The following MKI67 variants were observed in gnomAD, a reference collection of about 807,000 sequenced individuals.
MKI67 encodes the protein marker of proliferation Ki-67.
A neutral mutation model predicts 233.5 loss-of-function variants in MKI67; 152 were observed. That is an observed-to-expected ratio of 0.65 (90% CI 0.57 to 0.74). The LOEUF (loss-of-function observed/expected upper bound fraction) is 0.74. MKI67 is among the 30% of genes least tolerant of loss of function. MKI67 has a pLI of 0.00. For synonymous variants in MKI67, 1,465 were observed against 1,418.5 expected (o/e 1.03, Z -0.74); for missense variants, 3,940 against 3,885.2 (o/e 1.01, Z -0.37).
chr10:128,104,306 G>T lies in MKI67; in HGVS notation c.7534C>A (p.His2512Asn), dbSNP rs759824509. 3 of 1,614,170 alleles carry T rather than the reference G, an allele frequency of 1.9e-6. No homozygotes were observed. The East Asian group carries it at 6.7e-5, about 36-fold the overall frequency. The change falls in exon 13 of 15, where the codon CAC becomes AAC. Residue 2512 changes from histidine to asparagine, a missense_variant. By Grantham distance (68) the His-to-Asn change is moderately conservative. Transcript: ENST00000368654. ...TRTSGETTQT[H>N]TEPTGDSKSI... ...TTACTATCTCCTGTTGGCTCTGTGT[G>T]TGTTTGCGTAGTCTCCCCTGATGTC...
chr10:128,114,597 T>C (rs1262760819), intron 7 of MKI67, among the ~76,000 whole-genome samples: 1 of 152,222 alleles, frequency 6.6e-6, no homozygotes, highest in African/African-American at 2.4e-5. Flanking sequence ...TTAAACTCCA[T>C]GTGAAAAGCA....
rs561621588 is a variant in MKI67 at position 128,109,205 on chromosome 10, T to C, written c.2635A>G (p.Thr879Ala). 5.6e-5 allele frequency: 90 copies of C among 1,614,224 alleles called. 2 individuals carry two copies. The South Asian group carries it at 9.2e-4, about 17-fold the overall frequency. ...VSTANRSGRS[T>A]EFRNIQKLPV... ...AGCTTCTGTATATTCCTGAACTCTG[T>C]AGACCTTCCTGACCTGTTTGCAGTG... Residue 879 changes from threonine to alanine, a missense_variant, in exon 13 of 15, where the codon ACA becomes GCA. Thr to Ala is a moderately conservative substitution (Grantham distance 58, BLOSUM62 0). Coordinates refer to ENST00000368654, the MANE Select transcript of MKI67 (RefSeq NM_002417.5).
chr10:128,120,930 C>T (rs1182627014), intron 4 of MKI67, among the ~76,000 whole-genome samples: 1 of 152,066 alleles, frequency 6.6e-6, no homozygotes, highest in Non-Finnish European at 1.5e-5. Context: ...TCCAGTTAAA[C>T]ACAAGAGGTC....
In MKI67 at chr10:128,108,407, G is replaced by T. The variant is rs1852577611; in HGVS notation, c.3433C>A (p.Gln1145Lys). Reference protein sequence around the residue: ...ESVDTPTSTKQWPKRSLRKAD... With the variant: ...ESVDTPTSTKKWPKRSLRKAD... ...TTCCTGAGACTTCTCTTAGGCCATT[G>T]CTTTGTGCTTGTTGGAGTGTCCACT... The change falls in exon 13 of 15, where the codon CAA becomes AAA. Residue 1145 changes from glutamine (Q) to lysine (K), a missense_variant. Transcript: ENST00000368654. The T allele has an allele frequency of 6.2e-7, 1 of 1,614,136 alleles. No individual in the cohort carries two copies. The highest frequency in any genetic ancestry group is 8.5e-7 in the Non-Finnish European group (1 of 1,180,026).
rs1378745681 is a variant in MKI67 at position 128,121,350 on chromosome 10, CATATTATATATGTAT to C, written c.287+1516_287+1530del. Among the ~76,000 whole-genome samples, 5 of 143,138 alleles carry C rather than the reference CATATTATATATGTAT, an allele frequency of 3.5e-5. No homozygotes were observed. In the South Asian group the frequency reaches 1.1e-3, roughly 30 times the overall value. 93.9% of individuals were successfully genotyped at this position (143,138 alleles called of 152,430 possible). ...TATCTGTATATGTGTATATATATTACATATTATATATGTATATATTATATATTATATAATATAAAT... is the reference window on the plus strand; with the variant it reads ...TATCTGTATATGTGTATATATATTACATATTATATATTATATAATATAAAT... On this transcript the variant is annotated intron_variant, in intron 4 of 14. Coordinates refer to ENST00000368654, the MANE Select transcript of MKI67 (RefSeq NM_002417.5).
chr10:128,112,036 G>C lies in MKI67; in HGVS notation c.1979C>G (p.Ser660Ter), dbSNP rs764620488. 17 of 1,610,226 alleles carry C rather than the reference G, an allele frequency of 1.1e-5. 1 individual carries two copies. The highest frequency in any genetic ancestry group is 8.5e-7 in the Non-Finnish European group (1 of 1,179,028). The change falls in exon 10 of 15, where the codon TCA becomes TGA. Residue 660 changes from serine to a stop codon, truncating the protein, a stop_gained. Transcript: ENST00000368654. LOFTEE classifies it high-confidence loss of function. The part of the protein sequence containing the change: ...ASEANLIVAK[S>*]WADVVKLGAK... ...ACCAAGTTTTACTACATCTGCCCAT[G>C]ATTTTGCAACTGTCAAAGGGAAAAG...
At position 128,107,860 on chromosome 10, in the gene MKI67, G is replaced by T; in HGVS notation, c.3980C>A (p.Thr1327Asn). 6.2e-7 allele frequency: 1 copy of T among 1,613,386 alleles called. No homozygotes were observed. The highest frequency in any genetic ancestry group is 8.5e-7 in the Non-Finnish European group (1 of 1,179,914). ...AGTTTGTGGCCGTCTCTTGCTGCCG[G>T]TTAAGTTCTCTGTCAGGTCCAGTTT... ...VQKLDLTENL[T>N]GSKRRPQTPK... Residue 1327 changes from threonine to asparagine, a missense_variant, in exon 13 of 15, where the codon ACC becomes AAC. Physicochemically the swap from Thr to Asn is moderately conservative, Grantham distance 65. Coordinates refer to ENST00000368654, the MANE Select transcript of MKI67 (RefSeq NM_002417.5).
chr10:128,123,289 G>T, intron 2 of MKI67, 120 bp from the exon 3 acceptor site: 1 of 715,758 alleles, frequency 1.4e-6, no homozygotes, highest in Non-Finnish European at 2.4e-6. Context: ...ACATAAAGGA[G>T]TAACAAACAA....
chr10:128,113,346 C>G, intron 8 of MKI67, 81 bp downstream of exon 8: 1 of 1,376,176 alleles, frequency 7.3e-7, no homozygotes, highest in Non-Finnish European at 1.0e-6. Context: ...CATAATTCTA[C>G]TTGTGTCAGT....
intron 4 of MKI67, among the ~76,000 whole-genome samples, chr10:128,122,094 T>C (rs1328907676): frequency 6.6e-6 from 1 of 152,186 alleles, no homozygotes; most frequent in African/African-American, 2.4e-5. Flanking sequence ...AAATGTTCTA[T>C]ATGAGCTGAG....
chr10:128,113,365 A>T (rs1177102788), intron 8 of MKI67, 62 bp downstream of exon 8: 1 of 1,492,602 alleles, frequency 6.7e-7, no homozygotes, highest in Non-Finnish European at 9.2e-7. Context: ...GTATTTGGAA[A>T]GGAATAGGTA....
Position 128,106,439 on chromosome 10 carries a change from T to G in MKI67, c.5401A>C (p.Thr1801Pro), listed in dbSNP as rs1590301130. 1 of 1,613,380 alleles carries G rather than the reference T, an allele frequency of 6.2e-7. No individual in the cohort carries two copies. Among genetic ancestry groups the G allele is most frequent in the South Asian group, 1.1e-5 (1 of 91,056 alleles). ...EEKDINTFLGTPVQKLDQPGN... is the reference protein window; with the variant it reads ...EEKDINTFLGPPVQKLDQPGN... ...GGCTGGTCCAGTTTCTGCACTGGAG[T>G]TCCCAAAAACGTGTTGATGTCTTTC... is the stretch of plus-strand genomic sequence containing the variant. Residue 1801 changes from threonine (T) to proline (P), a missense_variant, in exon 13 of 15, where the codon ACT becomes CCT. By Grantham distance (38) the Thr-to-Pro change is conservative. Transcript: ENST00000368654.
Position 128,106,784 on chromosome 10 carries a change from A to G in MKI67, c.5056T>C (p.Ser1686Pro). Reference sequence around the variant, plus strand: ...TTGCTGCCAGTTAGACTTGCTGCTGAGTCTAAGATCTGCTTTGGAGACTCC... The same window carrying G: ...TTGCTGCCAGTTAGACTTGCTGCTGGGTCTAAGATCTGCTTTGGAGACTCC... ...FMESPKQILD[S>P]AASLTGSKRQ... The change falls in exon 13 of 15, where the codon TCA becomes CCA. Residue 1686 changes from serine to proline, a missense_variant. Physicochemically the swap from Ser to Pro is moderately conservative, Grantham distance 74. Coordinates refer to ENST00000368654, the MANE Select transcript of MKI67 (RefSeq NM_002417.5). The G allele has an allele frequency of 6.2e-7, 1 of 1,613,236 alleles. No homozygotes were observed. Among genetic ancestry groups the G allele is most frequent in the South Asian group, 1.1e-5 (1 of 91,052 alleles).
rs1439172062 is a variant in MKI67 at position 128,110,367 on chromosome 10, A to C, written c.2416+11T>G. Reference sequence around the variant, plus strand: ...CAAAACATCACAGTGTTAGGAAACAAGGAAACCAACCAAAACTCTCTGAGG... The same window carrying C: ...CAAAACATCACAGTGTTAGGAAACACGGAAACCAACCAAAACTCTCTGAGG... On this transcript the variant is annotated intron_variant, in intron 12 of 14. Coordinates refer to ENST00000368654, the MANE Select transcript of MKI67 (RefSeq NM_002417.5). 1 of 1,546,238 alleles carries C rather than the reference A, an allele frequency of 6.5e-7. No homozygotes were observed. The highest frequency in any genetic ancestry group is 1.4e-5 in the African/African-American group (1 of 73,884).
chr10:128,111,507 A>G, intron 11 of MKI67, 138 bp downstream of exon 11: 1 of 810,240 alleles, frequency 1.2e-6, no homozygotes, highest in South Asian at 2.1e-5. Context: ...CCTGAACACT[A>G]AGACCCCAGA....
At position 128,103,389 on chromosome 10, in the gene MKI67, A is replaced by T; in HGVS notation, c.8451T>A (p.Asp2817Glu). The change falls in exon 13 of 15, where the codon GAT becomes GAA. Residue 2817 changes from aspartate (D) to glutamate (E), a missense_variant. By Grantham distance (45) the Asp-to-Glu change is conservative. Coordinates refer to ENST00000368654, the MANE Select transcript of MKI67 (RefSeq NM_002417.5). ...AAGHTEESMT[D>E]DKTTKIPCKS... is the part of the protein sequence containing the mutation. ...TGCAGGGTATTTTAGTGGTTTTGTC[A>T]TCAGTCATTGATTCTTCAGTGTGAC... 6.2e-7 allele frequency: 1 copy of T among 1,613,542 alleles called. No homozygotes were observed. The highest frequency in any genetic ancestry group is 1.3e-5 in the African/African-American group (1 of 74,800).
At chr10:128,117,268 G>A (rs897033425) in intron 5 of MKI67, among the ~76,000 whole-genome samples, 1 of 152,218 alleles carries the variant, frequency 6.6e-6, no homozygotes, top group Non-Finnish European at 1.5e-5. Flanking sequence ...TGGGCCATAG[G>A]ACCTGTCGAT....
chr10:128,119,067 A>C (rs1226035232), intron 5 of MKI67, among the ~76,000 whole-genome samples, 186 bp downstream of exon 5: 1 of 152,212 alleles, frequency 6.6e-6, no homozygotes. Flanking sequence ...AATAAAGAGG[A>C]AATATCATTT....
Position 128,106,971 on chromosome 10 carries a change from G to A in MKI67, c.4869C>T (p.Asp1623=), listed in dbSNP as rs1852515268. The A allele has an allele frequency of 6.2e-7, 1 of 1,613,886 alleles. No individual in the cohort carries two copies. The highest frequency in any genetic ancestry group is 8.5e-7 in the Non-Finnish European group (1 of 1,179,990). ...GTCGCTTGGAGCTTGCTGGGTTTTT[G>A]TCTGGGTCTGGTTGTGAAGATTTGC... is the stretch of plus-strand genomic sequence containing the variant. ...VACKSSQPDP[D]KNPASSKRRL... Residue 1623 remains aspartate (D), a synonymous_variant, in exon 13 of 15, where the codon GAC becomes GAT. Coordinates refer to ENST00000368654, the MANE Select transcript of MKI67 (RefSeq NM_002417.5).
Sources: gnomAD v4.1 joint callset for allele counts (sites outside exome capture counted in the v4.1 genomes callset) on GRCh38, gnomAD v4.1.1 for gene constraint, MANE v1.5 for transcripts, NCBI Gene and HGNC (gene_info 2026-07-23, HGNC 2026-07-21) for gene names.